Variants in DOCK9 observed in about 807,000 individuals in gnomAD.
DOCK9 encodes dedicator of cytokinesis 9, also known as dedicator of cytokinesis protein 9.
DOCK9 carries 89 observed loss-of-function variants against 263.3 expected under a neutral mutation model. That is an observed-to-expected ratio of 0.34 (90% CI 0.28 to 0.40). The LOEUF (loss-of-function observed/expected upper bound fraction) is 0.40, where lower values mean the gene tolerates loss of function less well. DOCK9 is among the 10% of genes least tolerant of loss of function. DOCK9 has a pLI of 1.00. For missense variants in DOCK9, 2,140 were observed against 2,603.4 expected (o/e 0.82, Z 3.87); for synonymous variants, 976 against 973.1 (o/e 1.00, Z -0.06).
chr13:98,915,326 T>C lies in DOCK9; in HGVS notation c.892+3A>G. 6.2e-7 allele frequency: 1 copy of C among 1,613,048 alleles called. No homozygotes were observed. The highest frequency in any genetic ancestry group is 8.5e-7 in the Non-Finnish European group (1 of 1,179,488). Reference sequence around the variant, plus strand: ...GTGCCTGGGGGAAGCCAAGCCTATCTACCTTCGTGAGAGTCGCCATTTCGC... The same window carrying C: ...GTGCCTGGGGGAAGCCAAGCCTATCCACCTTCGTGAGAGTCGCCATTTCGC... On this transcript the variant is annotated splice_donor_region_variant and intron_variant, in intron 8 of 52. Transcript: ENST00000682017.
intron 1 of DOCK9, among the ~76,000 whole-genome samples, chr13:99,071,461 T>G (rs1317336920): frequency 6.6e-6 from 1 of 151,922 alleles, no homozygotes; most frequent in East Asian, 1.9e-4. Context: ...TACAATCAAG[T>G]ATGCTAGAGA....
chr13:98,800,338 C>T lies in DOCK9; in HGVS notation c.5866G>A (p.Val1956Met), dbSNP rs1487380968. The part of the protein sequence containing the change: ...ELRQLCSSAE[V>M]DMIKLQLKLQ... ...TTGAGCTGCAGTTTGATCATGTCCA[C>T]CTCGGCCGAGGAGCACAGCTGCCGG... The change falls in exon 50 of 53, where the codon GTG (valine) becomes ATG (methionine). Residue 1956 changes from valine (V) to methionine (M), a missense_variant. Val to Met is a conservative substitution (Grantham distance 21, BLOSUM62 1). Transcript: ENST00000682017. 2 of 1,611,988 alleles carry T rather than the reference C, an allele frequency of 1.2e-6. No individual in the cohort carries two copies. Among genetic ancestry groups the T allele is most frequent in the Non-Finnish European group, 1.7e-6 (2 of 1,179,126 alleles).
intron 45 of DOCK9, among the ~76,000 whole-genome samples, chr13:98,814,339 T>C (rs2091605501): frequency 6.6e-6 from 1 of 151,420 alleles, no homozygotes; most frequent in Admixed American, 6.6e-5. Context: ...GCAAATGACA[T>C]GAAGAAATCA....
At chr13:99,061,189 T>C (rs1048261211) in intron 1 of DOCK9, among the ~76,000 whole-genome samples, 2 of 152,158 alleles carry the variant, frequency 1.3e-5, no homozygotes, top group African/African-American at 4.8e-5. Flanking sequence ...AGCTGTTTCA[T>C]TCCATAGAAC....
chr13:99,068,066 A>G (rs2041503890), intron 1 of DOCK9, among the ~76,000 whole-genome samples: 1 of 152,074 alleles, frequency 6.6e-6, no homozygotes. Context: ...CTCCTGCCCC[A>G]GCATTGATAC....
chr13:98,973,687 T>A (rs1205562068), intron 1 of DOCK9, among the ~76,000 whole-genome samples: 1 of 152,096 alleles, frequency 6.6e-6, no homozygotes, highest in South Asian at 2.1e-4. Context: ...GCCTCAACTC[T>A]CCCAGGCTCA....
intron 32 of DOCK9, among the ~76,000 whole-genome samples, chr13:98,861,028 A>T (rs918834299): frequency 6.6e-6 from 1 of 152,076 alleles, no homozygotes; most frequent in Non-Finnish European, 1.5e-5. Flanking sequence ...AAAAAACGGG[A>T]TTTTACTTTG....
intron 3 of DOCK9, among the ~76,000 whole-genome samples, chr13:98,929,728 T>G (rs1277562342): frequency 6.6e-6 from 1 of 151,848 alleles, no homozygotes; most frequent in Non-Finnish European, 1.5e-5. Flanking sequence ...CAGCTAGTAC[T>G]TCATGAATAC....
At chr13:98,884,924 T>C in intron 21 of DOCK9, 47 bp downstream of exon 21, 3 of 1,575,750 alleles carry the variant, frequency 1.9e-6, no homozygotes, top group Non-Finnish European at 2.6e-6. Flanking sequence ...TGTTCTTTAA[T>C]GTTTTCTGAA....
At chr13:98,897,902 C>T (rs1172808323) in intron 14 of DOCK9, among the ~76,000 whole-genome samples, 1 of 152,174 alleles carries the variant, frequency 6.6e-6, no homozygotes, top group Non-Finnish European at 1.5e-5. Context: ...ACTGGATTGC[C>T]CTGACTTCCA....
At chr13:98,889,030 C>A (rs2046227798) in intron 15 of DOCK9, among the ~76,000 whole-genome samples, 1 of 152,216 alleles carries the variant, frequency 6.6e-6, no homozygotes, top group South Asian at 2.1e-4. Context: ...CTGTATTTCA[C>A]AGGACAGCCA....
chr13:98,974,748 C>CAAAAAAAA (rs57196019), intron 1 of DOCK9, among the ~76,000 whole-genome samples: 3 of 33,208 alleles, frequency 9.0e-5, no homozygotes, highest in Non-Finnish European at 1.1e-4. Flanking sequence ...AACTCTGTCT[C>CAAAAAAAA]AAAAAAAAAA....
At chr13:98,921,482 A>G (rs1366469184) in intron 6 of DOCK9, among the ~76,000 whole-genome samples, 1 of 152,160 alleles carries the variant, frequency 6.6e-6, no homozygotes, top group Non-Finnish European at 1.5e-5. Flanking sequence ...TTCCAGCCTT[A>G]GGGTAATGAC....
chr13:98,848,792 C>T (rs2093470266), intron 36 of DOCK9, among the ~76,000 whole-genome samples, 153 bp from the exon 37 acceptor site: 1 of 152,152 alleles, frequency 6.6e-6, no homozygotes, highest in Non-Finnish European at 1.5e-5. Context: ...TTTTGGGAGT[C>T]CTCTGGAAAG....
rs368537320 is a variant in DOCK9, at chr13:98,880,598, G to T, written c.2820C>A (p.Thr940=). Residue 940 remains threonine, a synonymous_variant, in exon 26 of 53, where the codon ACC becomes ACA. Transcript: ENST00000682017. ...TVHEELTKSM[T]TILKPSADFL... is the part of the protein sequence containing the mutation. ...AATCGGCAGAAGGCTTGAGAATCGT[G>T]GTCATGGATTTGGTCAGTTCTTCAT... 5 of 1,613,894 alleles carry T rather than the reference G, an allele frequency of 3.1e-6. No homozygotes were observed. Among genetic ancestry groups the T allele is most frequent in the Non-Finnish European group, 4.2e-6 (5 of 1,179,850 alleles).
chr13:98,881,330 C>A (rs1594924237), intron 25 of DOCK9, among the ~76,000 whole-genome samples: 1 of 152,036 alleles, frequency 6.6e-6, no homozygotes, highest in South Asian at 2.1e-4. Context: ...ATTTGGAAAA[C>A]CCATTAAAAG....
At chr13:98,862,117 C>A (rs977556796) in intron 32 of DOCK9, among the ~76,000 whole-genome samples, 1 of 152,088 alleles carries the variant, frequency 6.6e-6, no homozygotes, top group Non-Finnish European at 1.5e-5. Context: ...TGGTTCATCA[C>A]GAGAACATGG....
At chr13:99,083,192 T>C (rs1254630766) in intron 1 of DOCK9, among the ~76,000 whole-genome samples, 1 of 151,454 alleles carries the variant, frequency 6.6e-6, no homozygotes, top group Non-Finnish European at 1.5e-5. Flanking sequence ...GAGGCGGAGG[T>C]TGCAGTGAGC....
rs1168684853 is a variant in DOCK9, at chr13:98,881,604, T to A, written c.2699A>T (p.Gln900Leu). 2 of 1,609,486 alleles carry A rather than the reference T, an allele frequency of 1.2e-6. No homozygotes were observed. Among genetic ancestry groups the A allele is most frequent in the Non-Finnish European group, 8.5e-7 (1 of 1,178,060 alleles). Reference sequence around the variant, plus strand: ...GCTCTCCAATCCTTCCTCATGGCACTGGGCAACCACATGAATAATGACCCT... The same window carrying A: ...GCTCTCCAATCCTTCCTCATGGCACAGGGCAACCACATGAATAATGACCCT... ...VTRVIIHVVA[Q>L]CHEEGLESHL... The change falls in exon 25 of 53, where the codon CAG becomes CTG. Residue 900 changes from glutamine (Q) to leucine (L), a missense_variant. Around this residue, in one of 2 missense-constraint regions of DOCK9, gnomAD observed 1,521 missense variants for 1,741.7 expected, o/e 0.87. Coordinates refer to ENST00000682017, the MANE Select transcript of DOCK9 (RefSeq NM_001366683.2).
Sources: allele counts gnomAD v4.1 joint callset (sites outside exome capture counted in the v4.1 genomes callset), GRCh38; gene constraint gnomAD v4.1.1; regional missense constraint gnomAD v4.1.1; transcripts MANE v1.5; gene names NCBI Gene and HGNC (gene_info 2026-07-23, HGNC 2026-07-21).